Variants in LINGO1 observed in about 807,000 individuals in gnomAD.
The protein encoded by LINGO1 is leucine rich repeat and Ig domain containing 1, also known as leucine-rich repeat and immunoglobulin-like domain-containing nogo receptor-interacting protein 1.
In LINGO1, 11 loss-of-function variants were observed where a neutral mutation model predicts 37.3. The ratio of observed to expected loss-of-function variants is 0.29; its 90% CI spans 0.19 to 0.49. The LOEUF is 0.49. Among genes scored for constraint, LINGO1 ranks in the 20% least tolerant of loss-of-function variants. LINGO1 has a pLI of 0.99. For synonymous variants in LINGO1, 387 were observed against 403.0 expected, an observed-to-expected ratio of 0.96 and a Z score of 0.48; for missense variants, 585 against 878.2, an observed-to-expected ratio of 0.67 and a Z score of 4.22.
intron 2 of LINGO1, among the ~76,000 whole-genome samples, chr15:77,794,314 GTATATACATACATATA>G (rs2076842640): frequency 1.0e-5 from 1 of 96,868 alleles, no homozygotes; most frequent in Non-Finnish European, 2.0e-5. Context: ...ACATATATGT[GTATATACATACATATA>G]TGTATATACA....
intron 3 of LINGO1, chr15:77,648,061 G>A: frequency 2.6e-6 from 1 of 391,270 alleles, no homozygotes; most frequent in Non-Finnish European, 5.1e-6. Context: ...CAGCCACAGG[G>A]AGAGGGTGGT....
At chr15:77,650,835 A>C (rs1231769766) in intron 3 of LINGO1, among the ~76,000 whole-genome samples, 4 of 151,928 alleles carry the variant, frequency 2.6e-5, no homozygotes, top group Non-Finnish European at 4.4e-5. Flanking sequence ...AAGGACTGAG[A>C]GGTGGGATAT....
At chr15:77,698,038 C>A (rs2075718918), upstream of LINGO1, among the ~76,000 whole-genome samples, 1 of 152,018 alleles carries the variant, frequency 6.6e-6, no homozygotes, top group Non-Finnish European at 1.5e-5. Flanking sequence ...GCAGCCGCCA[C>A]CTGGGGGAGG....
At chr15:77,784,273 G>A (rs1024224179) in intron 1 of LINGO1, among the ~76,000 whole-genome samples, 1 of 152,256 alleles carries the variant, frequency 6.6e-6, no homozygotes, top group African/African-American at 2.4e-5. Context: ...CAGCAGGAGA[G>A]AGCAGAACTC....
In LINGO1 at chr15:77,617,320, G is replaced by A. The variant is rs899672100; in HGVS notation, c.7-1420C>T. 4.6e-5 allele frequency among the ~76,000 whole-genome samples: 7 copies of A among 152,214 alleles called. 1 individual carries two copies. The highest frequency in any genetic ancestry group is 1.3e-4 in the Admixed American group (2 of 15,296). ...CATGAGAAACTGGCCTGGCAAATAG[G>A]GTGAGTAGGGGGGTTGGGGGAGGGT... On this transcript the variant is annotated intron_variant, in intron 1 of 1. Transcript: ENST00000355300.
Position 77,630,809 on chromosome 15 carries a change from T to C in LINGO1, c.6+1501A>G, listed in dbSNP as rs1393434993. ...GCCCCTTCCAGGAGGGGCAGCTGGG[T>C]GCTGCTGGGATCCCCGATGTGAGTC... On this transcript the variant is annotated intron_variant, in intron 1 of 1. Transcript: ENST00000355300. Among the ~76,000 whole-genome samples, 4 of 152,074 alleles carry C rather than the reference T, an allele frequency of 2.6e-5. No individual in the cohort carries two copies. The East Asian group carries it at 7.7e-4, about 29-fold the overall frequency.
At chr15:77,816,712 G>A (rs2077050947) in intron 1 of LINGO1, among the ~76,000 whole-genome samples, 1 of 152,104 alleles carries the variant, frequency 6.6e-6, no homozygotes, top group Non-Finnish European at 1.5e-5. Context: ...TAGACCAGGG[G>A]CCAAATAAGT....
At chr15:77,622,701 G>A (rs2073960689) in intron 1 of LINGO1, among the ~76,000 whole-genome samples, 1 of 152,192 alleles carries the variant, frequency 6.6e-6, no homozygotes, top group African/African-American at 2.4e-5. Context: ...GGGGTCAAGT[G>A]GCCAGGAGTG....
intron 3 of LINGO1, among the ~76,000 whole-genome samples, chr15:77,675,673 T>C (rs1459737515): frequency 2.0e-5 from 3 of 152,186 alleles, no homozygotes; most frequent in Non-Finnish European, 4.4e-5. Context: ...ATGCTTTAAA[T>C]ACCGAGAGAT....
intron 3 of LINGO1, among the ~76,000 whole-genome samples, chr15:77,675,676 C>T (rs1010718699): frequency 1.3e-5 from 2 of 151,782 alleles, no homozygotes; most frequent in African/African-American, 4.8e-5. Flanking sequence ...CTTTAAATAC[C>T]GAGAGATAGA....
chr15:77,748,141 G>C (rs1199953333), intron 1 of LINGO1, among the ~76,000 whole-genome samples: 1 of 152,248 alleles, frequency 6.6e-6, no homozygotes, highest in African/African-American at 2.4e-5. Context: ...CACACCAACA[G>C]CCCTGCTGGG....
chr15:77,806,227 G>A (rs922284759), intron 1 of LINGO1, among the ~76,000 whole-genome samples: 1 of 152,136 alleles, frequency 6.6e-6, no homozygotes, highest in Admixed American at 6.5e-5. Flanking sequence ...TCTGGCTGCC[G>A]GCTTCAATAT....
chr15:77,700,773 C>G (rs1302321747), upstream of LINGO1, among the ~76,000 whole-genome samples: 1 of 152,188 alleles, frequency 6.6e-6, no homozygotes, highest in Admixed American at 6.5e-5. Flanking sequence ...CCAGAGCCAG[C>G]AAGGTCAGGG....
intron 1 of LINGO1, among the ~76,000 whole-genome samples, chr15:77,816,541 T>G (rs2077049256): frequency 6.6e-6 from 1 of 152,190 alleles, no homozygotes; most frequent in South Asian, 2.1e-4. Flanking sequence ...AACACAAATA[T>G]AGCAGGGTCA....
In LINGO1 at chr15:77,613,793, C is replaced by T. The variant is rs1030720088; in HGVS notation, c.*251G>A. ...TTGACTCTGCCGCGTGTCGGTTCGT[C>T]GGCTTTCAACTCCAGTCTGTCAATG... is the stretch of plus-strand genomic sequence containing the variant. On this transcript the variant is annotated 3_prime_UTR_variant, in exon 2 of 2. Coordinates refer to ENST00000355300, the MANE Select transcript of LINGO1 (RefSeq NM_032808.7). 3.3e-5 allele frequency: 16 copies of T among 483,480 alleles called. No homozygotes were observed. Among genetic ancestry groups the T allele is most frequent in the Non-Finnish European group, 4.0e-5 (11 of 274,562 alleles). 29.9% of individuals were successfully genotyped at this position (483,480 alleles called of 1,614,324 possible).
chr15:77,805,097 C>T (rs2076949404), intron 1 of LINGO1, among the ~76,000 whole-genome samples: 1 of 152,240 alleles, frequency 6.6e-6, no homozygotes, highest in Admixed American at 6.5e-5. Flanking sequence ...GCTGGGCTTA[C>T]TCTGGGCACC....
exon 2 of LINGO1, chr15:77,690,763 T>TCC (rs2075589425): frequency 6.6e-6 from 1 of 152,232 alleles, no homozygotes; most frequent in Non-Finnish European, 1.5e-5. Context: ...GCTTGAGAAG[T>TCC]CCCCTTGGCC....
At chr15:77,679,690 C>T (rs766370012) in intron 2 of LINGO1, among the ~76,000 whole-genome samples, 9 of 152,234 alleles carry the variant, frequency 5.9e-5, no homozygotes, top group Non-Finnish European at 1.0e-4. Flanking sequence ...GAACACCTGA[C>T]TAGGTCCTTG....
In LINGO1 at chr15:77,644,539, G is replaced by C. The variant is rs115192494; in HGVS notation, c.-12-28639C>G. Reference sequence around the variant, plus strand: ...CCTGGGAAATAAGGATGGCATTGGTGGAGGTGCTAGCAATACCAGGAGAGC... The same window carrying C: ...CCTGGGAAATAAGGATGGCATTGGTCGAGGTGCTAGCAATACCAGGAGAGC... On this transcript the variant is annotated intron_variant, in intron 3 of 3. Transcript: ENST00000559893. Among the ~76,000 whole-genome samples, 1,234 of 152,356 alleles carry C rather than the reference G, an allele frequency of 8.1e-3. 25 individuals carry two copies. The highest frequency in any genetic ancestry group is 0.027 in the African/African-American group (1,142 of 41,572).
Sources: allele counts gnomAD v4.1 joint callset (sites outside exome capture counted in the v4.1 genomes callset), GRCh38; gene constraint gnomAD v4.1.1; transcripts MANE v1.5; gene names NCBI Gene and HGNC (gene_info 2026-07-23, HGNC 2026-07-21).